ASCC3: variants seen among roughly 807,000 people sequenced by gnomAD.
ASCC3 encodes the protein ASC-1 complex subunit P200.
Under a neutral mutation model 256.3 loss-of-function variants are expected in ASCC3, and 158 were observed. The observed-to-expected ratio is 0.62, with a 90% CI of 0.54 to 0.70. The LOEUF (loss-of-function observed/expected upper bound fraction) is 0.70, where lower values mean the gene tolerates loss of function less well. ASCC3 is among the 30% of genes least tolerant of loss of function. The pLI is 0.00. For missense variants in ASCC3, 2,259 were observed against 2,626.0 expected (o/e 0.86, Z 3.05); for synonymous variants, 948 against 883.4 (o/e 1.07, Z -1.30).
At chr6:100,579,329 A>G (rs1771064419) in intron 36 of ASCC3, among the ~76,000 whole-genome samples, 1 of 152,062 alleles carries the variant, frequency 6.6e-6, no homozygotes, top group Non-Finnish European at 1.5e-5. Context: ...TTTATTATGC[A>G]GAAGTTCTTC....
chr6:100,817,030 C>T (rs906439970), intron 4 of ASCC3, among the ~76,000 whole-genome samples: 28 of 151,896 alleles, frequency 1.8e-4, no homozygotes, highest in African/African-American at 6.8e-4. Flanking sequence ...AAAAGCAGAA[C>T]ATACATTCTT....
At chr6:100,553,784 T>G (rs1229741367) in intron 36 of ASCC3, among the ~76,000 whole-genome samples, 1 of 152,140 alleles carries the variant, frequency 6.6e-6, no homozygotes, top group South Asian at 2.1e-4. Context: ...TTTGTTTCCC[T>G]TTTCATTACA....
At chr6:100,559,112 C>T (rs1769788646) in intron 36 of ASCC3, among the ~76,000 whole-genome samples, 1 of 152,090 alleles carries the variant, frequency 6.6e-6, no homozygotes, top group Non-Finnish European at 1.5e-5. Flanking sequence ...CATACCAGAA[C>T]ATATGTATGT....
chr6:100,731,853 A>G (rs1779917173), intron 10 of ASCC3, among the ~76,000 whole-genome samples: 1 of 152,172 alleles, frequency 6.6e-6, no homozygotes. Context: ...TTTACTAAAA[A>G]GAAACACTTT....
At chr6:100,515,212 A>C (rs924338015) in intron 39 of ASCC3, among the ~76,000 whole-genome samples, 2 of 152,186 alleles carry the variant, frequency 1.3e-5, no homozygotes, top group African/African-American at 2.4e-5. Flanking sequence ...TTTGATTTAA[A>C]TATATTGTTT....
At chr6:100,776,711 T>C (rs140660432) in intron 8 of ASCC3, among the ~76,000 whole-genome samples, 7 of 151,986 alleles carry the variant, frequency 4.6e-5, no homozygotes, top group Non-Finnish European at 8.8e-5. Flanking sequence ...ACAGTAAACA[T>C]ACCTCATTTT....
In ASCC3 at chr6:100,767,162, T is replaced by C. The variant is rs755727642; in HGVS notation, c.1579A>G (p.Lys527Glu). The C allele has an allele frequency of 6.2e-7, 1 of 1,614,120 alleles. No homozygotes were observed. The highest frequency in any genetic ancestry group is 1.1e-5 in the South Asian group (1 of 91,082). Residue 527 changes from lysine to glutamate, a missense_variant, in exon 9 of 42, where the codon AAA becomes GAA. This residue lies in a region of ASCC3 where 1,839 missense variants were observed against 2,206.7 expected (regional missense o/e 0.83). Transcript: ENST00000369162. ...TTACTTACCTTAAATTCATTCTTTT[T>C]GATAACACCTTGTTGAAAATGTTGG... ...IRQHFQQGVI[K>E]KNEFKIVYVA...
chr6:100,795,733 G>A (rs529471919), intron 8 of ASCC3, among the ~76,000 whole-genome samples: 58 of 152,114 alleles, frequency 3.8e-4, no homozygotes, highest in Admixed American at 1.0e-3. Flanking sequence ...CTTATCCAAC[G>A]TGACAGTCAG....
At chr6:100,650,739 G>C in intron 19 of ASCC3, 25 bp from the exon 20 acceptor site, 1 of 1,563,724 alleles carries the variant, frequency 6.4e-7, no homozygotes, top group East Asian at 2.3e-5. Flanking sequence ...GTATTTATTG[G>C]AATTTTGGGG....
At chr6:100,865,667 G>A (rs530763055) in intron 2 of ASCC3, among the ~76,000 whole-genome samples, 5 of 152,130 alleles carry the variant, frequency 3.3e-5, no homozygotes, top group African/African-American at 1.2e-4. Flanking sequence ...AGGACTTTTA[G>A]CAATAAAATT....
chr6:100,656,125 T>C (rs1482192449), intron 16 of ASCC3, among the ~76,000 whole-genome samples: 2 of 151,790 alleles, frequency 1.3e-5, no homozygotes, highest in East Asian at 1.9e-4. Flanking sequence ...TTGTTATTTT[T>C]TTTTCTTATT....
At chr6:100,681,659 A>G (rs891602890) in intron 13 of ASCC3, among the ~76,000 whole-genome samples, 4 of 135,220 alleles carry the variant, frequency 3.0e-5, no homozygotes, top group Non-Finnish European at 4.6e-5. Flanking sequence ...CCTGGGAGGC[A>G]GAGGTTGCAG....
intron 3 of ASCC3, chr6:100,857,448 G>A (rs934741172): frequency 1.3e-5 from 2 of 151,616 alleles, no homozygotes; most frequent in Admixed American, 6.6e-5. Flanking sequence ...ATAAATTTTC[G>A]CACATACAAA....
chr6:100,584,215 G>C (rs1474923022), intron 36 of ASCC3, among the ~76,000 whole-genome samples: 1 of 150,994 alleles, frequency 6.6e-6, no homozygotes, highest in East Asian at 1.9e-4. Context: ...TTAATGTGTG[G>C]GAGTCTAAGT....
At chr6:100,526,652 G>C (rs904103781) in intron 37 of ASCC3, among the ~76,000 whole-genome samples, 5 of 152,168 alleles carry the variant, frequency 3.3e-5, no homozygotes, top group Non-Finnish European at 7.4e-5. Context: ...CTTTGTTTTA[G>C]GTGGTGTTTT....
intron 14 of ASCC3, among the ~76,000 whole-genome samples, chr6:100,678,628 T>C (rs1468163202): frequency 3.3e-5 from 5 of 151,994 alleles, no homozygotes; most frequent in Non-Finnish European, 7.4e-5. Flanking sequence ...CAGTAACCAA[T>C]CAGTTAAATC....
chr6:100,586,554 G>A (rs34614998), intron 36 of ASCC3, among the ~76,000 whole-genome samples: 18,430 of 152,070 alleles, frequency 0.12, 1,510 homozygotes, highest in South Asian at 0.31. Context: ...GCAATGCCTC[G>A]CCCTGCTTTG....
chr6:100,740,780 T>A (rs866301094), intron 10 of ASCC3, among the ~76,000 whole-genome samples: 1 of 152,240 alleles, frequency 6.6e-6, no homozygotes. Context: ...TTATTTTGAG[T>A]TTATGTGTGT....
intron 36 of ASCC3, among the ~76,000 whole-genome samples, chr6:100,580,577 TTTATTA>T (rs369397234): frequency 2.0e-5 from 3 of 150,982 alleles, no homozygotes; most frequent in Non-Finnish European, 3.0e-5. Context: ...ATAAAAATCT[TTTATTA>T]TTATTATTAT....
Sources: gnomAD v4.1 joint callset for allele counts (sites outside exome capture counted in the v4.1 genomes callset) on GRCh38, gnomAD v4.1.1 for gene constraint, gnomAD v4.1.1 regional missense constraint, MANE v1.5 for transcripts, NCBI Gene and HGNC (gene_info 2026-07-23, HGNC 2026-07-21) for gene names.